Variants in PCDHGC5 observed in about 807,000 individuals in gnomAD.
PCDHGC5 encodes protocadherin gamma subfamily C, 5.
In PCDHGC5, 25 loss-of-function variants were observed where a neutral mutation model predicts 59.0. The ratio of observed to expected loss-of-function variants is 0.42; its 90% CI spans 0.31 to 0.59. The LOEUF (loss-of-function observed/expected upper bound fraction) is 0.59, where lower values mean the gene tolerates loss of function less well. Ranked by LOEUF, PCDHGC5 falls within the 20% of genes least tolerant of loss-of-function variation. The probability of loss-of-function intolerance (pLI) is 0.13; values close to 1 mark genes in which losing one functional copy is unlikely to be tolerated. For synonymous variants in PCDHGC5, 434 were observed against 505.5 expected (o/e 0.86, Z 1.90); for missense variants, 1,067 against 1,206.4 (o/e 0.88, Z 1.71).
chr5:141,509,298 C>A (rs974744333), intron 3 of PCDHGC5, among the ~76,000 whole-genome samples: 1 of 152,180 alleles, frequency 6.6e-6, no homozygotes, highest in Non-Finnish European at 1.5e-5. Flanking sequence ...AGGGTGGAGG[C>A]AGAGGGAGGC....
chr5:141,496,723 T>G (rs1312615861), intron 2 of PCDHGC5, among the ~76,000 whole-genome samples: 3 of 152,212 alleles, frequency 2.0e-5, no homozygotes, highest in Non-Finnish European at 4.4e-5. Context: ...AAGTCATTAA[T>G]GTATTCATTC....
At chr5:141,492,241 C>T (rs1351937353) in intron 1 of PCDHGC5, among the ~76,000 whole-genome samples, 1 of 152,186 alleles carries the variant, frequency 6.6e-6, no homozygotes, top group African/African-American at 2.4e-5. Flanking sequence ...TGCTGGCCAC[C>T]CCCACGGCCC....
Position 141,505,463 on chromosome 5 carries a change from A to G in PCDHGC5, c.2590A>G (p.Ile864Val). 1 of 1,614,184 alleles carries G rather than the reference A, an allele frequency of 6.2e-7. No homozygotes were observed. Among genetic ancestry groups the G allele is most frequent in the East Asian group, 2.2e-5 (1 of 44,876 alleles). Residue 864 changes from isoleucine to valine, a missense_variant, in exon 3 of 4, where the codon ATC (isoleucine) becomes GTC (valine). Ile to Val is a conservative substitution (Grantham distance 29). Transcript: ENST00000252087. Reference protein sequence around the residue: ...QFDTEMLQAMILASASEAADG... With the variant: ...QFDTEMLQAMVLASASEAADG... ...TGACACAGAGATGCTGCAAGCCATG[A>G]TCTTGGCGTCCGCCAGTGGTAAGTG...
intron 2 of PCDHGC5, 47 bp from the exon 3 acceptor site, chr5:141,505,346 C>G: frequency 4.3e-6 from 7 of 1,612,970 alleles, no homozygotes; most frequent in Non-Finnish European, 5.9e-6. Context: ...GGGGCATGAG[C>G]TGTGCCGGCC....
intron 2 of PCDHGC5, among the ~76,000 whole-genome samples, chr5:141,501,476 A>T (rs1274017343): frequency 3.3e-5 from 5 of 152,044 alleles, no homozygotes; most frequent in Admixed American, 3.3e-4. Context: ...ATCCTGGAAG[A>T]GTCCCTCATA....
At chr5:141,498,919 C>T (rs897611505) in intron 2 of PCDHGC5, among the ~76,000 whole-genome samples, 34 of 122,310 alleles carry the variant, frequency 2.8e-4, no homozygotes, top group African/African-American at 3.4e-4. Flanking sequence ...GGTGACAGAG[C>T]GAGACTCCAT....
At chr5:141,502,815 TTTCC>T in intron 2 of PCDHGC5, among the ~76,000 whole-genome samples, 1 of 151,372 alleles carries the variant, frequency 6.6e-6, no homozygotes, top group East Asian at 1.9e-4. Context: ...TTCACTGTCT[TTTCC>T]TTGGGGAAGC....
chr5:141,507,781 C>A (rs2099863256), intron 3 of PCDHGC5, among the ~76,000 whole-genome samples: 1 of 152,214 alleles, frequency 6.6e-6, no homozygotes, highest in South Asian at 2.1e-4. Flanking sequence ...CAGGGCCTGA[C>A]CCTCGTCTAA....
Position 141,505,488 on chromosome 5 carries a change from G to A in PCDHGC5, c.2608+7G>A. On this transcript the variant is annotated splice_region_variant and intron_variant, in intron 3 of 3. Transcript: ENST00000252087. Reference sequence around the variant, plus strand: ...ATCTTGGCGTCCGCCAGTGGTAAGTGGTGTCAGTGTGTGTATGGAAGAGTG... The same window carrying A: ...ATCTTGGCGTCCGCCAGTGGTAAGTAGTGTCAGTGTGTGTATGGAAGAGTG... The A allele has an allele frequency of 6.2e-7, 1 of 1,614,222 alleles. No individual in the cohort carries two copies. The highest frequency in any genetic ancestry group is 8.5e-7 in the Non-Finnish European group (1 of 1,180,018).
intron 2 of PCDHGC5, among the ~76,000 whole-genome samples, chr5:141,497,539 C>A (rs2099777336): frequency 6.9e-6 from 1 of 145,274 alleles, no homozygotes; most frequent in African/African-American, 2.6e-5. Context: ...ATGCAACAAA[C>A]CTTTTTTTTT....
At chr5:141,492,423 G>C (rs1164828445) in intron 1 of PCDHGC5, among the ~76,000 whole-genome samples, 1 of 152,222 alleles carries the variant, frequency 6.6e-6, no homozygotes, top group African/African-American at 2.4e-5. Context: ...CCCTCCGCCG[G>C]GCTCAGGAGT....
At chr5:141,492,244 C>T (rs1334647731) in intron 1 of PCDHGC5, among the ~76,000 whole-genome samples, 1 of 152,198 alleles carries the variant, frequency 6.6e-6, no homozygotes, top group Admixed American at 6.5e-5. Flanking sequence ...TGGCCACCCC[C>T]ACGGCCCACA....
intron 2 of PCDHGC5, among the ~76,000 whole-genome samples, chr5:141,499,689 CTTTTTTT>C (rs545067566): frequency 8.3e-6 from 1 of 119,856 alleles, no homozygotes; most frequent in Non-Finnish European, 1.7e-5. Flanking sequence ...TAACAGATGA[CTTTTTTT>C]TTTTTTTTTT....
chr5:141,501,290 TACACACACAC>T (rs55762287), intron 2 of PCDHGC5, among the ~76,000 whole-genome samples: 44 of 136,248 alleles, frequency 3.2e-4, no homozygotes, highest in Admixed American at 7.8e-4. Context: ...TATTCCCTTA[TACACACACAC>T]ACACACACAC....
Position 141,493,360 on chromosome 5 carries a change from G to T in PCDHGC5, c.2461-1447G>T, listed in dbSNP as rs1364095483. Reference sequence around the variant, plus strand: ...CAGAATGTGTGCTTTTAATTTCTTGGCACTTGGAACTTTAAAAGCTTGAGG... The same window carrying T: ...CAGAATGTGTGCTTTTAATTTCTTGTCACTTGGAACTTTAAAAGCTTGAGG... On this transcript the variant is annotated intron_variant, in intron 1 of 3. Transcript: ENST00000252087. This position sits in a 1 kb window ranked among gnomAD's most constrained non-coding sequence, Gnocchi z 4.3. Among the ~76,000 whole-genome samples the T allele has an allele frequency of 6.6e-6, 1 of 152,144 alleles. No individual in the cohort carries two copies. The highest frequency in any genetic ancestry group is 1.5e-5 in the Non-Finnish European group (1 of 68,022).
At chr5:141,500,782 T>G (rs2099802612) in intron 2 of PCDHGC5, among the ~76,000 whole-genome samples, 2 of 152,222 alleles carry the variant, frequency 1.3e-5, no homozygotes, top group Admixed American at 1.3e-4. Context: ...ATATACATAT[T>G]ATTTTACAGA....
rs1488446232 is a variant in PCDHGC5, at chr5:141,493,171, A to G, written c.2460+1471A>G. On this transcript the variant is annotated intron_variant, in intron 1 of 3. Coordinates refer to ENST00000252087, the MANE Select transcript of PCDHGC5 (RefSeq NM_018929.3). This position sits in a 1 kb window ranked among gnomAD's most constrained non-coding sequence, Gnocchi z 4.3. ...GGTGATTTTGATAGCTGATTGAGAG[A>G]AACTTACTATATAACTCCTTTGAGA... is the stretch of plus-strand genomic sequence containing the variant. 6.6e-6 allele frequency among the ~76,000 whole-genome samples: 1 copy of G among 152,214 alleles called. No homozygotes were observed. The highest frequency in any genetic ancestry group is 1.5e-5 in the Non-Finnish European group (1 of 68,034).
In PCDHGC5 at chr5:141,489,255, A is replaced by G. The variant is rs909780010; in HGVS notation, c.15A>G (p.Thr5=). 2 of 1,548,804 alleles carry G rather than the reference A, an allele frequency of 1.3e-6. No individual in the cohort carries two copies. Among genetic ancestry groups the G allele is most frequent in the Non-Finnish European group, 1.7e-6 (2 of 1,147,848 alleles). Residue 5 remains threonine, a synonymous_variant, in exon 1 of 4, where the codon ACA becomes ACG. Coordinates refer to ENST00000252087, the MANE Select transcript of PCDHGC5 (RefSeq NM_018929.3). The surrounding 1 kb of genome is among the most constrained non-coding windows in gnomAD (Gnocchi z 4.5). MGPK[T]LPQLAGKWQV... ...ACTTCTGGGTCATGGGGCCCAAGAC[A>G]CTCCCACAGCTCGCTGGGAAATGGC...
intron 2 of PCDHGC5, among the ~76,000 whole-genome samples, chr5:141,495,094 C>T (rs1470702358): frequency 6.6e-6 from 1 of 152,156 alleles, no homozygotes; most frequent in African/African-American, 2.4e-5. Flanking sequence ...CTTCCCTCCT[C>T]GCCACGACCG....
Sources: allele counts gnomAD v4.1 joint callset (sites outside exome capture counted in the v4.1 genomes callset), GRCh38; gene constraint gnomAD v4.1.1; non-coding constraint Gnocchi (gnomAD v3.1); transcripts MANE v1.5; gene names NCBI Gene and HGNC (gene_info 2026-07-23, HGNC 2026-07-21).